Variants in SBF2 observed in about 807,000 individuals in gnomAD.
SBF2 encodes myotubularin-related protein 13.
In SBF2, 112 loss-of-function variants were observed where a neutral mutation model predicts 225.2. The ratio of observed to expected loss-of-function variants is 0.50; its 90% confidence interval spans 0.43 to 0.58. SBF2 has a LOEUF of 0.58. SBF2 is among the 20% of genes least tolerant of loss of function. The pLI is 0.00. For synonymous variants in SBF2, 763 were observed against 773.3 expected, an observed-to-expected ratio of 0.99 and a Z score of 0.22; for missense variants, 1,996 against 2,206.2, an observed-to-expected ratio of 0.90 and a Z score of 1.91.
chr11:10,198,404 G>A (rs1347644132), intron 1 of SBF2, among the ~76,000 whole-genome samples: 1 of 152,158 alleles, frequency 6.6e-6, no homozygotes, highest in East Asian at 1.9e-4. Context: ...TCAACAGTGG[G>A]CTTAAAATAT....
chr11:10,199,823 T>C (rs1957510382), intron 1 of SBF2, among the ~76,000 whole-genome samples: 1 of 147,436 alleles, frequency 6.8e-6, no homozygotes, highest in Admixed American at 6.9e-5. Flanking sequence ...ACTGGAACCC[T>C]TGTGCATGTT....
intron 17 of SBF2, among the ~76,000 whole-genome samples, chr11:9,878,994 G>T (rs978408976): frequency 2.0e-5 from 3 of 152,184 alleles, no homozygotes; most frequent in Non-Finnish European, 2.9e-5. Context: ...CAACTGCAAA[G>T]CTGCAGAAAT....
At chr11:10,293,930 T>TG in intron 1 of SBF2, 85 bp downstream of exon 1, 1 of 1,037,332 alleles carries the variant, frequency 9.6e-7, no homozygotes, top group Non-Finnish European at 1.2e-6. Context: ...CCGACGCCCG[T>TG]CCCCGACGCC....
chr11:10,257,664 C>CAAAAA (rs58743421), intron 1 of SBF2, among the ~76,000 whole-genome samples: 1 of 39,056 alleles, frequency 2.6e-5, no homozygotes, highest in Non-Finnish European at 4.0e-5. Flanking sequence ...GGCCTTGCCT[C>CAAAAA]AAAAAAAAAA....
intron 2 of SBF2, among the ~76,000 whole-genome samples, chr11:10,106,080 C>A (rs1483429555): frequency 6.6e-6 from 1 of 152,104 alleles, no homozygotes; most frequent in African/African-American, 2.4e-5. Flanking sequence ...AGGTTTGTTA[C>A]ATGGGTATAT....
chr11:9,784,822 G>A (rs1852264893), intron 37 of SBF2: 1 of 513,984 alleles, frequency 1.9e-6, no homozygotes, highest in Non-Finnish European at 3.5e-6. Flanking sequence ...CTGGATTTCT[G>A]ATGTGTGCCA....
At chr11:9,834,105 T>C (rs970089354) in intron 26 of SBF2, among the ~76,000 whole-genome samples, 5 of 151,390 alleles carry the variant, frequency 3.3e-5, no homozygotes, top group African/African-American at 1.2e-4. Flanking sequence ...TTTTATTTAT[T>C]TTTTGAGACA....
intron 2 of SBF2, among the ~76,000 whole-genome samples, chr11:10,080,462 G>A (rs1401372795): frequency 1.3e-5 from 2 of 151,202 alleles, no homozygotes; most frequent in South Asian, 2.1e-4. Flanking sequence ...AAACTCACAG[G>A]TCTTATAAAA....
At chr11:10,125,702 ACT>A (rs1953716221) in intron 2 of SBF2, among the ~76,000 whole-genome samples, 1 of 152,134 alleles carries the variant, frequency 6.6e-6, no homozygotes, top group Admixed American at 6.5e-5. Flanking sequence ...TAAGCTACAG[ACT>A]CTATCCAGAT....
chr11:10,287,487 G>A (rs1963876835), intron 1 of SBF2, among the ~76,000 whole-genome samples: 1 of 151,910 alleles, frequency 6.6e-6, no homozygotes, highest in Non-Finnish European at 1.5e-5. Context: ...TGTGGCACAG[G>A]CTGGTCTCAA....
chr11:10,252,589 T>A (rs976578054), intron 1 of SBF2, among the ~76,000 whole-genome samples: 4 of 152,086 alleles, frequency 2.6e-5, no homozygotes, highest in Non-Finnish European at 5.9e-5. Flanking sequence ...AGATCACGGA[T>A]CACGAGGTCA....
At chr11:9,954,962 C>G (rs530209994) in intron 16 of SBF2, among the ~76,000 whole-genome samples, 6 of 152,070 alleles carry the variant, frequency 3.9e-5, no homozygotes. Flanking sequence ...TTCTAGAGAC[C>G]TTAATCTGTT....
At chr11:10,247,003 C>A (rs12418690) in intron 1 of SBF2, among the ~76,000 whole-genome samples, 41,279 of 152,080 alleles carry the variant, frequency 0.27, 6,367 homozygotes, top group Non-Finnish European at 0.35. Context: ...AGGAAGATCA[C>A]TTGAGCCCAG....
intron 2 of SBF2, among the ~76,000 whole-genome samples, chr11:10,085,973 C>T (rs1951552532): frequency 1.0e-5 from 1 of 99,984 alleles, no homozygotes; most frequent in South Asian, 4.3e-4. Flanking sequence ...CCCCCACCCC[C>T]CACCCCAGGT....
In SBF2 at chr11:9,968,447, T is replaced by A. The variant is rs1017737322; in HGVS notation, c.1494A>T (p.Glu498Asp). The change falls in exon 14 of 40, where the codon GAA (glutamate) becomes GAT (aspartate). Residue 498 changes from glutamate to aspartate, a missense_variant. Glu to Asp is a conservative substitution (Grantham distance 45). Transcript: ENST00000256190. ...CCTGTATTAATTCCTGAACCCGGGC[T>A]TCATTAATCTCTGGGAAAGGAAGAA... ...VHILPFPEINEARVQELIQEN... is the reference protein window; with the variant it reads ...VHILPFPEINDARVQELIQEN... 1.9e-6 allele frequency: 3 copies of A among 1,613,962 alleles called. No homozygotes were observed. Among genetic ancestry groups the A allele is most frequent in the Non-Finnish European group, 8.5e-7 (1 of 1,179,822 alleles).
intron 13 of SBF2, among the ~76,000 whole-genome samples, chr11:9,981,586 T>C (rs893679804): frequency 3.9e-5 from 6 of 152,250 alleles, no homozygotes; most frequent in Non-Finnish European, 7.3e-5. Context: ...TAATGTTCAA[T>C]TCTATATTTC....
At chr11:10,294,318 G>A (rs893287297), upstream of SBF2, 1 of 341,362 alleles carries the variant, frequency 2.9e-6, no homozygotes, top group African/African-American at 2.2e-5. Flanking sequence ...CACCCTCCGC[G>A]GGCCTCGCGG....
chr11:10,004,666 C>A lies in SBF2; in HGVS notation c.620-1977G>T, dbSNP rs190222851. ...AAATTCCTTGTGGACAAAGGACAGA[C>A]AAAACTCAAAGTCATCCCTGTACTC... On this transcript the variant is annotated intron_variant, in intron 6 of 39. Coordinates refer to ENST00000256190, the MANE Select transcript of SBF2 (RefSeq NM_030962.4). 1.5e-3 allele frequency among the ~76,000 whole-genome samples: 230 copies of A among 149,578 alleles called. 1 individual carries two copies. The highest frequency in any genetic ancestry group is 5.3e-4 in the Non-Finnish European group (36 of 67,646).
chr11:10,036,521 TC>T (rs1159715068), intron 3 of SBF2, among the ~76,000 whole-genome samples: 7 of 152,270 alleles, frequency 4.6e-5, no homozygotes, highest in Admixed American at 3.3e-4. Context: ...ATCTTTAAAA[TC>T]AGATATAGTT....
Sources: gnomAD v4.1 joint callset for allele counts (sites outside exome capture counted in the v4.1 genomes callset) on GRCh38, gnomAD v4.1.1 for gene constraint, MANE v1.5 for transcripts, NCBI Gene and HGNC (gene_info 2026-07-23, HGNC 2026-07-21) for gene names.